Variants in ESRRB observed in about 807,000 individuals in gnomAD.
The protein encoded by ESRRB is estrogen related receptor beta.
In ESRRB, 16 loss-of-function variants were observed where a neutral mutation model predicts 46.0. That is an observed-to-expected ratio of 0.35 (90% CI 0.24 to 0.53). The LOEUF is 0.53. Among genes scored for constraint, ESRRB ranks in the 20% least tolerant of loss-of-function variants. The pLI is 0.93. For synonymous variants in ESRRB, 246 were observed against 259.6 expected (o/e 0.95, Z 0.50); for missense variants, 488 against 607.4 (o/e 0.80, Z 2.07).
chr14:76,335,916 A>G (rs946757081), intron 1 of ESRRB, among the ~76,000 whole-genome samples: 1 of 152,196 alleles, frequency 6.6e-6, no homozygotes, highest in Admixed American at 6.5e-5. Context: ...AATTGTCACA[A>G]CAACCCCAGA....
intron 1 of ESRRB, among the ~76,000 whole-genome samples, chr14:76,321,626 C>T (rs183793502): frequency 6.6e-6 from 1 of 152,228 alleles, no homozygotes; most frequent in Non-Finnish European, 1.5e-5. Flanking sequence ...TGGTTCTTGA[C>T]TTTTTCAAGT....
At chr14:76,498,100 G>C in intron 6 of ESRRB, 114 bp from the exon 7 acceptor site, 2 of 1,229,688 alleles carry the variant, frequency 1.6e-6, no homozygotes, top group South Asian at 1.2e-5. Context: ...GTGAAGAGAG[G>C]GTTCTGAAGA....
chr14:76,452,486 G>T (rs1888423751), intron 2 of ESRRB, among the ~76,000 whole-genome samples: 1 of 151,696 alleles, frequency 6.6e-6, no homozygotes, highest in Admixed American at 6.6e-5. Flanking sequence ...AATTAGCCAG[G>T]CGTGGTGGCT....
intron 1 of ESRRB, among the ~76,000 whole-genome samples, chr14:76,342,253 C>G (rs1183446411): frequency 6.6e-6 from 1 of 152,142 alleles, no homozygotes; most frequent in Non-Finnish European, 1.5e-5. Flanking sequence ...TGGCAGGAGG[C>G]TTTCCCAGGG....
chr14:76,352,816 T>C (rs1884329028), intron 1 of ESRRB, among the ~76,000 whole-genome samples: 1 of 152,214 alleles, frequency 6.6e-6, no homozygotes, highest in African/African-American at 2.4e-5. Context: ...ACTCCGGGCT[T>C]TCTGGGAACG....
chr14:76,357,092 CCGCCACTCCTCCCCAA>C (rs1884387988), intron 1 of ESRRB, among the ~76,000 whole-genome samples: 1 of 149,842 alleles, frequency 6.7e-6, no homozygotes, highest in Non-Finnish European at 1.5e-5. Context: ...CTACTAGTAT[CCGCCACTCCTCCCCAA>C]TGAGGGATAA....
chr14:76,388,240 G>A (rs906785672), intron 1 of ESRRB, among the ~76,000 whole-genome samples: 6 of 148,534 alleles, frequency 4.0e-5, no homozygotes, highest in Non-Finnish European at 4.4e-5. Flanking sequence ...GTGCAGTGGC[G>A]CAATCTCGGC....
chr14:76,363,088 C>A (rs1169542850), intron 1 of ESRRB, among the ~76,000 whole-genome samples: 3 of 152,180 alleles, frequency 2.0e-5, no homozygotes, highest in African/African-American at 7.2e-5. Flanking sequence ...AGAAGTGCAT[C>A]TCCTTGGTTG....
upstream of ESRRB, among the ~76,000 whole-genome samples, chr14:76,367,070 G>A (rs1427747394): frequency 2.0e-5 from 3 of 152,162 alleles, no homozygotes; most frequent in Admixed American, 1.3e-4. Context: ...GACCTGGGGC[G>A]AGCATTAAGT....
intron 5 of ESRRB, among the ~76,000 whole-genome samples, chr14:76,490,711 CA>C (rs5809761): frequency 0.87 from 132,238 of 152,120 alleles, 57,534 homozygotes; most frequent in Admixed American, 0.9. Flanking sequence ...TCAGCCTCCT[CA>C]AATAGCAGGG....
At chr14:76,459,180 C>T (rs1218289003) in intron 2 of ESRRB, among the ~76,000 whole-genome samples, 3 of 152,106 alleles carry the variant, frequency 2.0e-5, no homozygotes, top group Non-Finnish European at 4.4e-5. Context: ...CTGTTTACCT[C>T]CGGGGTTGCT....
At chr14:76,373,296 G>A (rs1884667300), upstream of ESRRB, among the ~76,000 whole-genome samples, 1 of 152,106 alleles carries the variant, frequency 6.6e-6, no homozygotes. Context: ...TTTGTTGACT[G>A]CATTTTAGGA....
intron 1 of ESRRB, among the ~76,000 whole-genome samples, chr14:76,395,047 C>T (rs1051391030): frequency 1.3e-5 from 2 of 152,198 alleles, no homozygotes; most frequent in Admixed American, 1.3e-4. Context: ...CTCCCCGGGC[C>T]ATCCCTGTAG....
At chr14:76,475,066 CAA>C (rs1188429861) in intron 3 of ESRRB, among the ~76,000 whole-genome samples, 1 of 151,696 alleles carries the variant, frequency 6.6e-6, no homozygotes, top group Non-Finnish European at 1.5e-5. Context: ...CCCATCTTTG[CAA>C]AAAAATTTTT....
At chr14:76,388,303 C>A (rs1885326941) in intron 1 of ESRRB, among the ~76,000 whole-genome samples, 1 of 151,890 alleles carries the variant, frequency 6.6e-6, no homozygotes, top group African/African-American at 2.4e-5. Context: ...CTCGGCCTCC[C>A]AAGTAGCTGG....
rs553492664 is a variant in ESRRB at position 76,341,059 on chromosome 14, G to A, written c.2+30143G>A. On this transcript the variant is annotated intron_variant, in intron 1 of 6. Coordinates refer to the ESRRB transcript ENST00000512784. ...CAAGTAGCTGCCCAGAAGGTGGGTC[G>A]AGACAGGGTTTCCCCAAGCCCCCTC... 1.7e-3 allele frequency among the ~76,000 whole-genome samples: 266 copies of A among 152,254 alleles called. 1 individual carries two copies. The highest frequency in any genetic ancestry group is 2.8e-3 in the Non-Finnish European group (191 of 68,010).
chr14:76,439,672 G>T lies in ESRRB; in HGVS notation c.382G>T (p.Gly128Trp), dbSNP rs769857569. The T allele has an allele frequency of 1.2e-6, 2 of 1,614,222 alleles. No homozygotes were observed. Among genetic ancestry groups the T allele is most frequent in the Non-Finnish European group, 1.7e-6 (2 of 1,180,036 alleles). ...CCCCAAGCGCCTGTGCCTCGTGTGC[G>T]GGGACATTGCCTCTGGCTACCACTA... is the stretch of plus-strand genomic sequence containing the variant. ...AIPKRLCLVC[G>W]DIASGYHYGV... The change falls in exon 2 of 7, where the codon GGG (glycine) becomes TGG (tryptophan). Residue 128 changes from glycine to tryptophan, a missense_variant. Coordinates refer to ENST00000644823, the MANE Select transcript of ESRRB (RefSeq NM_001379180.1).
intron 3 of ESRRB, among the ~76,000 whole-genome samples, chr14:76,469,231 T>C (rs1889256118): frequency 6.6e-6 from 1 of 152,082 alleles, no homozygotes; most frequent in African/African-American, 2.4e-5. Flanking sequence ...GTAGCTGAGA[T>C]TATAGGCATG....
chr14:76,382,594 A>G (rs1200356751), intron 1 of ESRRB, among the ~76,000 whole-genome samples: 1 of 152,204 alleles, frequency 6.6e-6, no homozygotes, highest in African/African-American at 2.4e-5. Flanking sequence ...TGGCTTAAAG[A>G]GTCAACTCTT....
Sources: gnomAD v4.1 joint callset for allele counts (sites outside exome capture counted in the v4.1 genomes callset) on GRCh38, gnomAD v4.1.1 for gene constraint, MANE v1.5 for transcripts, NCBI Gene and HGNC (gene_info 2026-07-23, HGNC 2026-07-21) for gene names.